JAKMIP2: variants seen among roughly 807,000 people sequenced by gnomAD.
JAKMIP2 encodes janus kinase and microtubule-interacting protein 2.
In JAKMIP2, 25 loss-of-function variants were observed where a neutral mutation model predicts 115.0. The ratio of observed to expected loss-of-function variants is 0.22; its 90% CI spans 0.16 to 0.30. The LOEUF (loss-of-function observed/expected upper bound fraction) is 0.30. Among genes scored for constraint, JAKMIP2 ranks in the 10% least tolerant of loss-of-function variants. The probability of loss-of-function intolerance (pLI) is 1.00; values close to 1 mark genes in which losing one functional copy is unlikely to be tolerated. For missense variants in JAKMIP2, 642 were observed against 957.6 expected (o/e 0.67, Z 4.35); for synonymous variants, 334 against 343.6 (o/e 0.97, Z 0.31).
intron 1 of JAKMIP2, among the ~76,000 whole-genome samples, chr5:147,707,723 T>C (rs940614497): frequency 1.8e-4 from 28 of 152,188 alleles, no homozygotes; most frequent in Non-Finnish European, 4.4e-5. Context: ...GTGGATGTAA[T>C]GCACAACAGT....
chr5:147,762,400 A>G (rs913857848), intron 1 of JAKMIP2, among the ~76,000 whole-genome samples: 2 of 152,184 alleles, frequency 1.3e-5, no homozygotes, highest in Admixed American at 6.6e-5. Flanking sequence ...ATAACAAAAT[A>G]CCATCAACCA....
chr5:147,699,004 C>T (rs1404397912), intron 1 of JAKMIP2, among the ~76,000 whole-genome samples: 1 of 152,194 alleles, frequency 6.6e-6, no homozygotes. Context: ...TAAGATTTGG[C>T]CATATAAGAT....
intron 20 of JAKMIP2, among the ~76,000 whole-genome samples, chr5:147,607,190 G>A (rs1756061583): frequency 6.6e-6 from 1 of 152,048 alleles, no homozygotes; most frequent in Non-Finnish European, 1.5e-5. Context: ...GATTATACTG[G>A]CCAAAACTTC....
chr5:147,659,348 C>T (rs1270661002), intron 3 of JAKMIP2, among the ~76,000 whole-genome samples: 1 of 152,180 alleles, frequency 6.6e-6, no homozygotes, highest in African/African-American at 2.4e-5. Flanking sequence ...TCTGCTGGTT[C>T]TCTGTGGGTC....
intron 1 of JAKMIP2, among the ~76,000 whole-genome samples, chr5:147,723,675 G>T (rs965374881): frequency 2.6e-5 from 4 of 152,074 alleles, no homozygotes; most frequent in Admixed American, 6.6e-5. Context: ...GTTATTTTTA[G>T]CAATTACAGC....
chr5:147,719,209 G>T (rs1476363385), intron 1 of JAKMIP2, among the ~76,000 whole-genome samples: 15 of 131,612 alleles, frequency 1.1e-4, no homozygotes, highest in African/African-American at 4.5e-4. Context: ...TGTGGTCTGA[G>T]ATATAGTTTG....
chr5:147,740,514 A>AGTT (rs1239734010), intron 1 of JAKMIP2, among the ~76,000 whole-genome samples: 4 of 152,188 alleles, frequency 2.6e-5, no homozygotes, highest in African/African-American at 9.7e-5. Context: ...GGAACCTGGT[A>AGTT]GTTGTGCTGA....
chr5:147,606,059 T>C lies in JAKMIP2; in HGVS notation c.2413-4248A>G, dbSNP rs114944822. Among the ~76,000 whole-genome samples the C allele has an allele frequency of 5.9e-3, 905 of 152,346 alleles. 15 individuals are homozygous for C. The highest frequency in any genetic ancestry group is 0.021 in the African/African-American group (871 of 41,582). ...TTTTTTCCTTGTAAATTTGTTTAAGTTCCCTGTAGATTCTGGATAACAGCC... is the reference window on the plus strand; with the variant it reads ...TTTTTTCCTTGTAAATTTGTTTAAGCTCCCTGTAGATTCTGGATAACAGCC... On this transcript the variant is annotated intron_variant, in intron 20 of 21. Transcript: ENST00000616793.
At chr5:147,750,169 A>C (rs1399340146) in intron 1 of JAKMIP2, among the ~76,000 whole-genome samples, 3 of 152,212 alleles carry the variant, frequency 2.0e-5, no homozygotes, top group African/African-American at 7.2e-5. Context: ...GAAAGATCAC[A>C]ACCATTGCGA....
chr5:147,730,525 GGCTCA>G (rs1440119643), intron 1 of JAKMIP2, among the ~76,000 whole-genome samples: 2 of 151,408 alleles, frequency 1.3e-5, no homozygotes, highest in African/African-American at 4.9e-5. Flanking sequence ...GTGCAATCTT[GGCTCA>G]CTGCAACTTC....
chr5:147,646,163 T>C (rs1019919385), intron 5 of JAKMIP2, among the ~76,000 whole-genome samples: 6 of 152,216 alleles, frequency 3.9e-5, no homozygotes, highest in Non-Finnish European at 7.3e-5. Flanking sequence ...TAGCTAATTA[T>C]GAATATTTGT....
At chr5:147,637,238 A>G (rs959352920) in intron 10 of JAKMIP2, among the ~76,000 whole-genome samples, 190 bp from the exon 11 acceptor site, 1 of 151,958 alleles carries the variant, frequency 6.6e-6, no homozygotes, top group African/African-American at 2.4e-5. Context: ...TAGTATTCAA[A>G]CTCGTTAGCT....
intron 1 of JAKMIP2, among the ~76,000 whole-genome samples, chr5:147,744,653 T>TA (rs1262825863): frequency 3.9e-5 from 6 of 152,270 alleles, no homozygotes; most frequent in Non-Finnish European, 5.9e-5. Flanking sequence ...TGTTTAATGG[T>TA]AAAAAAATTA....
In JAKMIP2 at chr5:147,695,675, T is replaced by TGA. The variant is rs1333628092; in HGVS notation, c.-148-23722_-148-23721insTC. 7.7e-3 allele frequency among the ~76,000 whole-genome samples: 1,113 copies of TGA among 144,176 alleles called. 11 individuals are homozygous for TGA. Among genetic ancestry groups the TGA allele is most frequent in the African/African-American group, 0.026 (1,017 of 38,846 alleles). 94.6% of individuals were successfully genotyped at this position (144,176 alleles called of 152,430 possible). Reference sequence around the variant, plus strand: ...CTGTGTGTGTGTGTGTGTGTGTGTGTGTGAGAGAGAGAGACAGAGACAGAG... The same window carrying TGA: ...CTGTGTGTGTGTGTGTGTGTGTGTGTGAGTGAGAGAGAGAGACAGAGACAGAG... On this transcript the variant is annotated intron_variant, in intron 1 of 21. Coordinates refer to ENST00000616793, the MANE Select transcript of JAKMIP2 (RefSeq NM_001270941.2).
intron 1 of JAKMIP2, among the ~76,000 whole-genome samples, chr5:147,769,326 C>T (rs561347216): frequency 8.5e-5 from 13 of 152,192 alleles, no homozygotes; most frequent in Middle Eastern, 3.4e-3. Context: ...ACGGAGAGGG[C>T]GGCAAAAGTG....
At chr5:147,652,355 C>T (rs1467401319) in intron 3 of JAKMIP2, among the ~76,000 whole-genome samples, 2 of 152,126 alleles carry the variant, frequency 1.3e-5, no homozygotes, top group African/African-American at 4.8e-5. Context: ...AAAGTGGTTT[C>T]CTGTGGGATA....
At chr5:147,651,699 GCCTGTGAGT>G in intron 3 of JAKMIP2, among the ~76,000 whole-genome samples, 1 of 152,168 alleles carries the variant, frequency 6.6e-6, no homozygotes. Context: ...GTGAGCTACT[GCCTGTGAGT>G]CACATGCTTA....
At chr5:147,768,434 C>A (rs996302477) in intron 1 of JAKMIP2, among the ~76,000 whole-genome samples, 1 of 152,126 alleles carries the variant, frequency 6.6e-6, no homozygotes, top group Non-Finnish European at 1.5e-5. Context: ...TTCACAAATA[C>A]CTTTTTGCAT....
intron 1 of JAKMIP2, among the ~76,000 whole-genome samples, chr5:147,758,344 G>A (rs1448004117): frequency 6.6e-6 from 1 of 152,114 alleles, no homozygotes; most frequent in African/African-American, 2.4e-5. Context: ...CTAATTTTTA[G>A]GAGAGGTAAA....
Sources: gnomAD v4.1 joint callset for allele counts (sites outside exome capture counted in the v4.1 genomes callset) on GRCh38, gnomAD v4.1.1 for gene constraint, MANE v1.5 for transcripts, NCBI Gene and HGNC (gene_info 2026-07-23, HGNC 2026-07-21) for gene names.